NARS2: variants seen among roughly 807,000 people sequenced by gnomAD.
The protein encoded by NARS2 is asparaginyl-tRNA synthetase.
NARS2 carries 60 observed loss-of-function variants against 62.9 expected under a neutral mutation model. That is an observed-to-expected ratio of 0.95 (90% confidence interval 0.77 to 1.18). NARS2 has a LOEUF of 1.18. NARS2 is among the 50% of genes most tolerant of loss of function. The pLI is 0.00. For synonymous variants in NARS2, 196 were observed against 200.0 expected (o/e 0.98, Z 0.17); for missense variants, 619 against 576.4 (o/e 1.07, Z -0.76).
Position 78,443,692 on chromosome 11 carries a change from G to A in NARS2, c.1231C>T (p.Arg411Ter), listed in dbSNP as rs1344809594. The change falls in exon 12 of 14, where the codon CGA becomes TGA. Residue 411 changes from arginine to a stop codon, truncating the protein, a stop_gained. Coordinates refer to ENST00000281038, the MANE Select transcript of NARS2 (RefSeq NM_024678.6). LOFTEE classifies it high-confidence loss of function. ...AAGCGCTCCTCTAAGAAATGGTATC[G>A]TTCTTCTCTGAGGCCTCCTCCAAAG... ...ELFGGGLREE[R>*]YHFLEERLAR... 2.5e-6 allele frequency: 4 copies of A among 1,613,108 alleles called. No individual in the cohort carries two copies. The highest frequency in any genetic ancestry group is 2.2e-5 in the South Asian group (2 of 91,042).
intron 1 of NARS2, 89 bp from the exon 2 acceptor site, chr11:78,571,533 T>G (rs930138413): frequency 3.7e-5 from 31 of 830,506 alleles, no homozygotes; most frequent in Non-Finnish European, 3.9e-6. Context: ...AAGTAAAACA[T>G]GTACTCACAA....
chr11:78,488,972 C>T (rs1859696314), intron 7 of NARS2, among the ~76,000 whole-genome samples: 1 of 151,950 alleles, frequency 6.6e-6, no homozygotes, highest in South Asian at 2.1e-4. Flanking sequence ...TAACGTTACA[C>T]AAAAATTAAC....
chr11:78,456,520 T>C (rs1372625226), intron 11 of NARS2, among the ~76,000 whole-genome samples: 1 of 152,172 alleles, frequency 6.6e-6, no homozygotes. Flanking sequence ...TTGATGCAGG[T>C]TGGTTAATTA....
At chr11:78,454,776 G>A (rs116253064) in intron 11 of NARS2, among the ~76,000 whole-genome samples, 1,648 of 151,978 alleles carry the variant, frequency 0.011, 35 homozygotes, top group African/African-American at 0.039. Context: ...CTGCCACTAC[G>A]CTCAGCTAAT....
Position 78,436,154 on chromosome 11 carries a change from T to G in NARS2, c.*516A>C, listed in dbSNP as rs527590896. On this transcript the variant is annotated 3_prime_UTR_variant, in exon 14 of 14. Transcript: ENST00000281038. ...AATGAAAGGAGATTTCAATTCAGAA[T>G]AGCTACTTCTTTAAATCAATTAAGA... 2.0e-5 allele frequency: 3 copies of G among 152,470 alleles called. No homozygotes were observed. The highest frequency in any genetic ancestry group is 4.8e-5 in the African/African-American group (2 of 41,576). 9.4% of individuals were successfully genotyped at this position (152,470 alleles called of 1,614,324 possible).
intron 10 of NARS2, among the ~76,000 whole-genome samples, chr11:78,466,506 A>G (rs1310527094): frequency 6.6e-6 from 1 of 152,036 alleles, no homozygotes; most frequent in Non-Finnish European, 1.5e-5. Context: ...TTTGAGACAG[A>G]GTCTGGCTGT....
Position 78,571,349 on chromosome 11 carries a change from T to G in NARS2, c.237A>C (p.Ser79=), listed in dbSNP as rs1856914716. 1.2e-6 allele frequency: 2 copies of G among 1,612,116 alleles called. No individual in the cohort carries two copies. The highest frequency in any genetic ancestry group is 1.1e-5 in the South Asian group (1 of 91,024). Residue 79 remains serine, a synonymous_variant, in exon 2 of 14, where the codon TCA becomes TCC. Transcript: ENST00000281038. ...SLESLQVVAD[S]GLDSRELNFG... ...ACAAAACTCACCTACTGTCAAGGCC[T>G]GAATCTGCAACAACCTGAAGGCTTT... is the stretch of plus-strand genomic sequence containing the variant.
rs954325553 is a variant in NARS2, at chr11:78,528,994, C to T, written c.595-58G>A. ...ATTAAATGTTTTGCTTTGCATTTCA[C>T]ATTCATATACATGTCACAACTAAAA... On this transcript the variant is annotated intron_variant, in intron 5 of 13. Transcript: ENST00000281038. The T allele has an allele frequency of 2.4e-5, 25 of 1,035,520 alleles. No individual in the cohort carries two copies. In the Admixed American group the frequency reaches 2.9e-4, roughly 12 times the overall value. 64.1% of individuals were successfully genotyped at this position (1,035,520 alleles called of 1,614,324 possible). A position where few individuals can be genotyped will look rare whatever the true frequency, so the allele number is the denominator to read the frequency against.
At chr11:78,446,618 G>A (rs1857769707) in intron 11 of NARS2, among the ~76,000 whole-genome samples, 1 of 152,018 alleles carries the variant, frequency 6.6e-6, no homozygotes, top group Non-Finnish European at 1.5e-5. Context: ...GCTTCTGCTT[G>A]AAAATATTTA....
chr11:78,446,240 A>G (rs1045763499), intron 11 of NARS2, among the ~76,000 whole-genome samples: 2 of 152,220 alleles, frequency 1.3e-5, no homozygotes, highest in Admixed American at 1.3e-4. Flanking sequence ...AATAATCAAC[A>G]ATAAAGAATA....
At chr11:78,492,526 T>C (rs765590080) in intron 7 of NARS2, among the ~76,000 whole-genome samples, 1 of 152,218 alleles carries the variant, frequency 6.6e-6, no homozygotes, top group Non-Finnish European at 1.5e-5. Flanking sequence ...TCATGATCTG[T>C]TGCCTGACCA....
At chr11:78,564,194 C>T (rs866344663) in intron 4 of NARS2, among the ~76,000 whole-genome samples, 1 of 150,522 alleles carries the variant, frequency 6.6e-6, no homozygotes, top group African/African-American at 2.4e-5. Context: ...GCCACTGTGC[C>T]CAGTAATAAT....
intron 11 of NARS2, among the ~76,000 whole-genome samples, chr11:78,450,500 G>A (rs960596095): frequency 6.6e-6 from 1 of 152,014 alleles, no homozygotes; most frequent in Non-Finnish European, 1.5e-5. Flanking sequence ...TCTCCTACAT[G>A]TTTCCTTGAC....
chr11:78,445,347 G>C (rs1355602014), intron 11 of NARS2, among the ~76,000 whole-genome samples: 1 of 152,150 alleles, frequency 6.6e-6, no homozygotes, highest in Non-Finnish European at 1.5e-5. Context: ...CAGGCCGGGT[G>C]CGGTGGCTTA....
chr11:78,503,229 A>C (rs1860354024), intron 6 of NARS2, among the ~76,000 whole-genome samples: 1 of 152,066 alleles, frequency 6.6e-6, no homozygotes, highest in Non-Finnish European at 1.5e-5. Flanking sequence ...GCACTCTTAA[A>C]AAGTAAAAAG....
At chr11:78,459,200 C>G (rs1858290592) in intron 11 of NARS2, among the ~76,000 whole-genome samples, 2 of 150,818 alleles carry the variant, frequency 1.3e-5, no homozygotes, top group Admixed American at 6.6e-5. Flanking sequence ...CAAGCATGAG[C>G]CACGGCGCCG....
chr11:78,465,708 T>C (rs1287705193), intron 11 of NARS2, among the ~76,000 whole-genome samples, 168 bp downstream of exon 11: 5 of 152,238 alleles, frequency 3.3e-5, no homozygotes, highest in Admixed American at 1.3e-4. Context: ...AGTACGTTTA[T>C]AGAACACTGG....
chr11:78,481,709 T>C (rs1042094876), intron 7 of NARS2, among the ~76,000 whole-genome samples: 1 of 152,198 alleles, frequency 6.6e-6, no homozygotes, highest in African/African-American at 2.4e-5. Context: ...ATAACAGCAA[T>C]ACCTAATTGC....
intron 11 of NARS2, among the ~76,000 whole-genome samples, chr11:78,455,242 C>T (rs1236329916): frequency 1.3e-5 from 2 of 152,106 alleles, no homozygotes; most frequent in African/African-American, 4.8e-5. Context: ...TCTTGTCTAG[C>T]CATCTTTATC....
Sources: allele counts gnomAD v4.1 joint callset (sites outside exome capture counted in the v4.1 genomes callset), GRCh38; gene constraint gnomAD v4.1.1; transcripts MANE v1.5; gene names NCBI Gene and HGNC (gene_info 2026-07-23, HGNC 2026-07-21).